JPH3: variants seen among roughly 807,000 people sequenced by gnomAD.
The protein encoded by JPH3 is junctophilin-3.
JPH3 carries 11 observed loss-of-function variants against 59.6 expected under a neutral mutation model. The ratio of observed to expected loss-of-function variants is 0.18; its 90% confidence interval spans 0.12 to 0.31. The LOEUF (loss-of-function observed/expected upper bound fraction) is 0.31, where lower values mean the gene tolerates loss of function less well. Ranked by LOEUF, JPH3 falls within the 10% of genes least tolerant of loss-of-function variation. The pLI is 1.00. For missense variants in JPH3, 1,202 were observed against 1,105.7 expected (o/e 1.09, Z -1.24); for synonymous variants, 673 against 483.6 (o/e 1.39, Z -5.14).
chr16:87,642,774 A>G (rs1382940390), intron 1 of JPH3, among the ~76,000 whole-genome samples: 2 of 152,150 alleles, frequency 1.3e-5, no homozygotes, highest in Non-Finnish European at 1.5e-5. Context: ...TCCTGGTTCC[A>G]CTCTACAGAC....
At chr16:87,646,018 G>A (rs976847457) in intron 2 of JPH3, among the ~76,000 whole-genome samples, 1 of 152,228 alleles carries the variant, frequency 6.6e-6, no homozygotes, top group Non-Finnish European at 1.5e-5. Context: ...GGGGTAGCCC[G>A]GAGAGTCTTG....
intron 1 of JPH3, among the ~76,000 whole-genome samples, chr16:87,641,907 C>T (rs188081960): frequency 8.1e-4 from 124 of 152,352 alleles, no homozygotes; most frequent in Middle Eastern, 3.4e-3. Context: ...CAGCCACTGT[C>T]CTGAGTCTGG....
At chr16:87,664,092 G>C (rs4843253) in intron 2 of JPH3, among the ~76,000 whole-genome samples, 26,036 of 152,098 alleles carry the variant, frequency 0.17, 2,672 homozygotes, top group South Asian at 0.34. Flanking sequence ...AGCACTTTGG[G>C]AGGCCGAGGC....
At chr16:87,682,645 A>T (rs2033323104) in intron 2 of JPH3, among the ~76,000 whole-genome samples, 1 of 152,220 alleles carries the variant, frequency 6.6e-6, no homozygotes, top group African/African-American at 2.4e-5. Flanking sequence ...AACTGGGGGA[A>T]AGCAATGTCT....
intron 2 of JPH3, among the ~76,000 whole-genome samples, chr16:87,683,575 AT>A (rs957183906): frequency 6.6e-6 from 1 of 151,328 alleles, no homozygotes; most frequent in Non-Finnish European, 1.5e-5. Flanking sequence ...AAGTGCTGGG[AT>A]TACAGGCGTG....
intron 2 of JPH3, among the ~76,000 whole-genome samples, chr16:87,674,545 A>C (rs992445001): frequency 4.2e-4 from 64 of 152,312 alleles, no homozygotes; most frequent in African/African-American, 1.5e-3. Context: ...CACAGGAAAA[A>C]ATATGTAGAG....
At chr16:87,651,883 G>A (rs760886081) in intron 2 of JPH3, among the ~76,000 whole-genome samples, 4 of 152,236 alleles carry the variant, frequency 2.6e-5, no homozygotes, top group Admixed American at 1.3e-4. Context: ...AAGCTCTACC[G>A]TGAGTCAAAT....
rs565989934 is a variant in JPH3, at chr16:87,676,051, G to A, written c.1161-8091G>A. ...GGGGTTTCTGTCGCAGGCGACGAAA[G>A]TGCTGTAAAGTTAGATCACGATGGT... On this transcript the variant is annotated intron_variant, in intron 2 of 4. Transcript: ENST00000284262. 1.0e-3 allele frequency among the ~76,000 whole-genome samples: 159 copies of A among 152,398 alleles called. 1 individual carries two copies. The highest frequency in any genetic ancestry group is 1.4e-3 in the Non-Finnish European group (98 of 68,046).
Position 87,696,807 on chromosome 16 carries a change from C to T in JPH3, c.*147C>T, listed in dbSNP as rs2033880808. ...ACAGAAGAACCACACGATTGGGTAT[C>T]ACTCACAGTTTGCCTTTTTTTCTGG... On this transcript the variant is annotated 3_prime_UTR_variant, in exon 5 of 5. Coordinates refer to ENST00000284262, the MANE Select transcript of JPH3 (RefSeq NM_020655.4). The T allele has an allele frequency of 1.5e-6, 1 of 672,080 alleles. No individual in the cohort carries two copies. Among genetic ancestry groups the T allele is most frequent in the African/African-American group, 1.8e-5 (1 of 55,280 alleles). 41.6% of individuals were successfully genotyped at this position (672,080 alleles called of 1,614,324 possible). A position where few individuals can be genotyped will look rare whatever the true frequency, so the allele number is the denominator to read the frequency against.
intron 2 of JPH3, among the ~76,000 whole-genome samples, chr16:87,682,268 A>C (rs2033314765): frequency 6.6e-6 from 1 of 152,164 alleles, no homozygotes; most frequent in East Asian, 1.9e-4. Flanking sequence ...TGGAATCTTG[A>C]AACAAGAAAG....
chr16:87,601,943 C>T (rs2030210164), upstream of JPH3: 1 of 152,644 alleles, frequency 6.6e-6, no homozygotes, highest in African/African-American at 2.4e-5. Context: ...AAGCCCCCCT[C>T]CCCCCACTCT....
At chr16:87,679,527 C>T (rs116279088) in intron 2 of JPH3, among the ~76,000 whole-genome samples, 1 of 152,252 alleles carries the variant, frequency 6.6e-6, no homozygotes, top group Admixed American at 6.5e-5. Context: ...CCTAAGTTTC[C>T]TCCCCTTGAG....
intron 1 of JPH3, among the ~76,000 whole-genome samples, chr16:87,641,722 G>A (rs1382926919): frequency 3.9e-5 from 6 of 152,260 alleles, no homozygotes; most frequent in Admixed American, 3.9e-4. Flanking sequence ...TTGGAGTGAG[G>A]CAGCCTCAGG....
intron 2 of JPH3, among the ~76,000 whole-genome samples, chr16:87,652,006 GC>G (rs2032339301): frequency 6.6e-6 from 1 of 151,498 alleles, no homozygotes; most frequent in Non-Finnish European, 1.5e-5. Context: ...ATGGAGTCTC[GC>G]TCTGTTGCCC....
At chr16:87,693,534 G>C (rs2033668825) in intron 4 of JPH3, 1 of 152,248 alleles carries the variant, frequency 6.6e-6, no homozygotes, top group South Asian at 2.1e-4. Context: ...AATTAGCCGG[G>C]CATGGTGGCA....
intron 1 of JPH3, chr16:87,604,725 G>A (rs1311422698): frequency 5.8e-6 from 6 of 1,028,740 alleles, no homozygotes; most frequent in Non-Finnish European, 7.4e-6. Flanking sequence ...AGTGGCAGGG[G>A]GCTGGAGAGT....
At chr16:87,687,354 C>T (rs2033443330) in intron 3 of JPH3, among the ~76,000 whole-genome samples, 1 of 152,206 alleles carries the variant, frequency 6.6e-6, no homozygotes, top group Admixed American at 6.5e-5. Context: ...CTGGGCCATG[C>T]CGGCTTCTAG....
At chr16:87,609,029 C>G (rs1174053570) in intron 1 of JPH3, among the ~76,000 whole-genome samples, 2 of 152,168 alleles carry the variant, frequency 1.3e-5, no homozygotes, top group Non-Finnish European at 2.9e-5. Flanking sequence ...GAGCCAGACC[C>G]CATCTCAAAA....
intron 1 of JPH3, among the ~76,000 whole-genome samples, chr16:87,633,679 G>C (rs2031638218): frequency 6.6e-6 from 1 of 151,934 alleles, no homozygotes; most frequent in Non-Finnish European, 1.5e-5. Context: ...GGCGCCTGTA[G>C]TACCAGCTAC....
Sources: gnomAD v4.1 joint callset for allele counts (sites outside exome capture counted in the v4.1 genomes callset) on GRCh38, gnomAD v4.1.1 for gene constraint, MANE v1.5 for transcripts, NCBI Gene and HGNC (gene_info 2026-07-23, HGNC 2026-07-21) for gene names.